POR: variants seen among roughly 807,000 people sequenced by gnomAD.
POR encodes NADPH--cytochrome P450 reductase.
A neutral mutation model predicts 84.0 loss-of-function variants in POR; 56 were observed. That is an observed-to-expected ratio of 0.67 (90% CI 0.54 to 0.83). The LOEUF (loss-of-function observed/expected upper bound fraction) is 0.83, where lower values mean the gene tolerates loss of function less well. Among genes scored for constraint, POR ranks in the 40% least tolerant of loss-of-function variants. POR has a pLI of 0.00. For synonymous variants in POR, 414 were observed against 400.5 expected (o/e 1.03, Z -0.40); for missense variants, 938 against 944.3 (o/e 0.99, Z 0.09).
chr7:75,971,520 G>A (rs1233969190), intron 2 of POR, among the ~76,000 whole-genome samples: 4 of 152,116 alleles, frequency 2.6e-5, no homozygotes, highest in South Asian at 2.1e-4. Flanking sequence ...GGGTGGTGCG[G>A]GGGTAGAAGG....
At chr7:75,949,102 T>C (rs1253805726) in intron 1 of POR, among the ~76,000 whole-genome samples, 1 of 152,096 alleles carries the variant, frequency 6.6e-6, no homozygotes, top group Non-Finnish European at 1.5e-5. Context: ...GGCCGGATCG[T>C]ATGGGCCTTA....
At chr7:75,941,285 T>C (rs188237477) in intron 1 of POR, among the ~76,000 whole-genome samples, 355 of 152,324 alleles carry the variant, frequency 2.3e-3, no homozygotes, top group Middle Eastern at 0.02. Context: ...AATGACACGA[T>C]GGCCGAGTAG....
At chr7:75,931,888 C>A (rs1379561430) in intron 1 of POR, among the ~76,000 whole-genome samples, 3 of 152,146 alleles carry the variant, frequency 2.0e-5, no homozygotes, top group Admixed American at 1.3e-4. Context: ...GGCCACTACT[C>A]GATTCAGTTT....
intron 3 of POR, among the ~76,000 whole-genome samples, chr7:75,974,305 G>T (rs1788574532): frequency 6.6e-6 from 1 of 152,020 alleles, no homozygotes; most frequent in South Asian, 2.1e-4. Context: ...GTCCCCGTAG[G>T]AGTCACACCG....
intron 1 of POR, chr7:75,915,765 C>T (rs1806531419): frequency 2.0e-5 from 3 of 152,236 alleles, no homozygotes; most frequent in Non-Finnish European, 4.4e-5. Context: ...CCCCACAACA[C>T]AGGTACCCGG....
Position 75,932,254 on chromosome 7 carries a change from C to T in POR, c.-5+17075C>T, listed in dbSNP as rs60895220. Among the ~76,000 whole-genome samples the T allele has an allele frequency of 7.9e-3, 1,194 of 151,104 alleles. 20 individuals are homozygous for T. The highest frequency in any genetic ancestry group is 0.028 in the African/African-American group (1,133 of 41,136). Reference sequence around the variant, plus strand: ...GGAGTGCAGTGGTGCAGTCTTGGCTCACTGCAACCTCCGCCTCCCAGGTTC... The same window carrying T: ...GGAGTGCAGTGGTGCAGTCTTGGCTTACTGCAACCTCCGCCTCCCAGGTTC... On this transcript the variant is annotated intron_variant, in intron 1 of 15. Coordinates refer to ENST00000461988, the MANE Select transcript of POR (RefSeq NM_000941.3).
intron 1 of POR, among the ~76,000 whole-genome samples, chr7:75,926,727 G>A (rs1807150594): frequency 6.6e-6 from 1 of 152,208 alleles, no homozygotes; most frequent in Non-Finnish European, 1.5e-5. Context: ...CCGGGGGGCA[G>A]AGGTTGCAGT....
intron 1 of POR, among the ~76,000 whole-genome samples, chr7:75,951,836 C>A (rs1265001895): frequency 6.6e-6 from 1 of 152,258 alleles, no homozygotes. Flanking sequence ...TTTGTTGACT[C>A]ATGTCACGTC....
chr7:75,948,682 G>T (rs1787287039), intron 1 of POR, among the ~76,000 whole-genome samples: 1 of 152,226 alleles, frequency 6.6e-6, no homozygotes, highest in African/African-American at 2.4e-5. Flanking sequence ...AAATCGGAAG[G>T]TTCTTGCCTT....
intron 1 of POR, among the ~76,000 whole-genome samples, chr7:75,950,915 C>T (rs782064510): frequency 6.0e-5 from 9 of 151,122 alleles, no homozygotes; most frequent in South Asian, 2.1e-4. Flanking sequence ...GAAAATTAGC[C>T]GGGTGTGGTG....
intron 1 of POR, among the ~76,000 whole-genome samples, chr7:75,944,619 A>G (rs1233433806): frequency 2.8e-5 from 4 of 142,696 alleles, no homozygotes; most frequent in Non-Finnish European, 5.9e-5. Flanking sequence ...CTATACCAAG[A>G]ACCACAAAAC....
At chr7:75,967,574 A>G (rs1329877117) in intron 2 of POR, among the ~76,000 whole-genome samples, 5 of 151,792 alleles carry the variant, frequency 3.3e-5, no homozygotes, top group Non-Finnish European at 7.4e-5. Flanking sequence ...TATGGAGTGC[A>G]GCCCTGCCAT....
At position 75,919,150 on chromosome 7, in the gene POR, C is replaced by T. The variant is rs1806726182; in HGVS notation, c.-5+3971C>T. On this transcript the variant is annotated intron_variant, in intron 1 of 15. Coordinates refer to ENST00000461988, the MANE Select transcript of POR (RefSeq NM_000941.3). The stretch of plus-strand genomic sequence containing the variant: ...AGTAGCTAGGATTACAGGCACCGGC[C>T]ACCATGTCTGGCTCAGGACAGTGTT... Among the ~76,000 whole-genome samples, 3 of 152,134 alleles carry T rather than the reference C, an allele frequency of 2.0e-5. No individual in the cohort carries two copies. The South Asian group carries it at 6.2e-4, about 32-fold the overall frequency.
At position 75,986,323 on chromosome 7, in the gene POR, C is replaced by G. The variant is rs782282440; in HGVS notation, c.1899-14C>G. 2 of 1,612,376 alleles carry G rather than the reference C, an allele frequency of 1.2e-6. No homozygotes were observed. The highest frequency in any genetic ancestry group is 2.2e-5 in the East Asian group (1 of 44,866). On this transcript the variant is annotated splice_polypyrimidine_tract_variant and intron_variant, in intron 15 of 15. Coordinates refer to ENST00000461988, the MANE Select transcript of POR (RefSeq NM_000941.3). ...CAGTTGGCCCAGCCCCCAGCACCCC[C>G]TCTTCCTGCCCAGGGATGCACGGAA... is the stretch of plus-strand genomic sequence containing the variant.
chr7:75,943,194 G>A lies in POR; in HGVS notation c.-4-10795G>A, dbSNP rs560415902. 3.3e-5 allele frequency among the ~76,000 whole-genome samples: 5 copies of A among 152,194 alleles called. No individual in the cohort carries two copies. The South Asian group carries it at 6.2e-4, about 19-fold the overall frequency. ...TCTCGATCTCCTCACCTTGTGATCC[G>A]CCTGCCTCGGCTTCCCAAAATGCTG... On this transcript the variant is annotated intron_variant, in intron 1 of 15. Transcript: ENST00000461988.
chr7:75,954,255 C>A, intron 2 of POR, 75 bp downstream of exon 2: 1 of 1,435,298 alleles, frequency 7.0e-7, no homozygotes, highest in Non-Finnish European at 9.5e-7. Flanking sequence ...GCATGCGGGC[C>A]TCAGGCTGAA....
Position 75,986,646 on chromosome 7 carries a change from AG to A in POR, c.*167del, listed in dbSNP as rs1789494587. The A allele has an allele frequency of 1.1e-6, 1 of 871,074 alleles. No homozygotes were observed. Among genetic ancestry groups the A allele is most frequent in the Non-Finnish European group, 1.7e-6 (1 of 581,378 alleles). 54.0% of individuals were successfully genotyped at this position (871,074 alleles called of 1,614,324 possible). A position where few individuals can be genotyped will look rare whatever the true frequency, so the allele number is the denominator to read the frequency against. Reference sequence around the variant, plus strand: ...GTGCATCCTCCTCAGCCCCCAGGCCAGGTGAGGTCCACCGGCCCCTGGCAGC... The same window carrying A: ...GTGCATCCTCCTCAGCCCCCAGGCCAGTGAGGTCCACCGGCCCCTGGCAGC... On this transcript the variant is annotated 3_prime_UTR_variant, in exon 16 of 16. Transcript: ENST00000461988.
intron 2 of POR, among the ~76,000 whole-genome samples, chr7:75,957,984 G>A (rs1361440444): frequency 1.3e-5 from 2 of 152,184 alleles, no homozygotes; most frequent in South Asian, 4.1e-4. Flanking sequence ...TTCCAAGTCT[G>A]TGTCCCCAAC....
At chr7:75,932,612 C>T (rs181298708) in intron 1 of POR, among the ~76,000 whole-genome samples, 119 of 151,858 alleles carry the variant, frequency 7.8e-4, no homozygotes, top group Admixed American at 1.6e-3. Flanking sequence ...TGCACTGTAA[C>T]TTGACATTGT....
Sources: allele counts gnomAD v4.1 joint callset (sites outside exome capture counted in the v4.1 genomes callset), GRCh38; gene constraint gnomAD v4.1.1; transcripts MANE v1.5; gene names NCBI Gene and HGNC (gene_info 2026-07-23, HGNC 2026-07-21).